Variants in TMEM135 observed in about 807,000 individuals in gnomAD.
The protein encoded by TMEM135 is transmembrane protein 135.
In TMEM135, 30 loss-of-function variants were observed where a neutral mutation model predicts 60.3. The ratio of observed to expected loss-of-function variants is 0.50; its 90% CI spans 0.37 to 0.68. The LOEUF (loss-of-function observed/expected upper bound fraction) is 0.68. Ranked by LOEUF, TMEM135 falls within the 30% of genes least tolerant of loss-of-function variation. The pLI, the probability that TMEM135 is intolerant of heterozygous loss-of-function variation, is 0.00. For missense variants in TMEM135, 468 were observed against 548.8 expected, an observed-to-expected ratio of 0.85 and a Z score of 1.47; for synonymous variants, 190 against 186.7, an observed-to-expected ratio of 1.02 and a Z score of -0.14.
At chr11:87,091,428 C>T in intron 4 of TMEM135, 33 bp downstream of exon 4, 1 of 1,603,230 alleles carries the variant, frequency 6.2e-7, no homozygotes, top group Non-Finnish European at 8.5e-7. Flanking sequence ...TGATGTCTTC[C>T]CATAAGCTAT....
At chr11:87,138,198 C>A (rs1222316359) in intron 4 of TMEM135, among the ~76,000 whole-genome samples, 2 of 150,622 alleles carry the variant, frequency 1.3e-5, no homozygotes, top group Non-Finnish European at 2.9e-5. Context: ...TCAAGTGATT[C>A]TCCTGCCTCA....
At chr11:87,144,538 G>A (rs1231839159) in intron 4 of TMEM135, among the ~76,000 whole-genome samples, 1 of 152,184 alleles carries the variant, frequency 6.6e-6, no homozygotes, top group Non-Finnish European at 1.5e-5. Context: ...TCCCTTCATG[G>A]GAAATGTTTG....
intron 3 of TMEM135, among the ~76,000 whole-genome samples, chr11:87,072,806 A>T (rs1050565096): frequency 3.3e-5 from 5 of 152,234 alleles, no homozygotes; most frequent in African/African-American, 1.2e-4. Flanking sequence ...TCAGTCAGGT[A>T]AACAGTTAAA....
chr11:87,236,386 A>G (rs542765672), intron 5 of TMEM135, among the ~76,000 whole-genome samples: 1 of 152,112 alleles, frequency 6.6e-6, no homozygotes, highest in East Asian at 1.9e-4. Context: ...AAAAAATCAC[A>G]ATGTTTAAAG....
At chr11:87,187,432 C>G (rs1939679793) in intron 5 of TMEM135, among the ~76,000 whole-genome samples, 1 of 152,172 alleles carries the variant, frequency 6.6e-6, no homozygotes, top group Non-Finnish European at 1.5e-5. Context: ...AGTTGGAACA[C>G]TAACTGCCAA....
chr11:87,080,538 A>G (rs1201558279), intron 3 of TMEM135, among the ~76,000 whole-genome samples: 1 of 151,858 alleles, frequency 6.6e-6, no homozygotes, highest in Admixed American at 6.6e-5. Flanking sequence ...TAATGCTATC[A>G]ATTTCTGTGA....
chr11:87,311,373 C>G lies in TMEM135; in HGVS notation c.936+1701C>G, dbSNP rs1186254975. Among the ~76,000 whole-genome samples, 5 of 151,974 alleles carry G rather than the reference C, an allele frequency of 3.3e-5. No homozygotes were observed. In the South Asian group the frequency reaches 6.2e-4, roughly 19 times the overall value. On this transcript the variant is annotated intron_variant, in intron 10 of 14. Coordinates refer to ENST00000305494, the MANE Select transcript of TMEM135 (RefSeq NM_022918.4). ...AATATGGTTTGACTAAGAAGCATTA[C>G]TAATGTATTTGAATATACAAGAGTT...
At chr11:87,201,750 A>G (rs1054568461) in intron 5 of TMEM135, among the ~76,000 whole-genome samples, 2 of 152,184 alleles carry the variant, frequency 1.3e-5, no homozygotes, top group Admixed American at 6.5e-5. Flanking sequence ...AATTACATCT[A>G]TAATAAGTAG....
chr11:87,072,141 C>T (rs1174509404), intron 3 of TMEM135, among the ~76,000 whole-genome samples: 2 of 152,168 alleles, frequency 1.3e-5, no homozygotes, highest in Non-Finnish European at 2.9e-5. Flanking sequence ...CTACAGTGAG[C>T]CGTGATCATG....
intron 9 of TMEM135, among the ~76,000 whole-genome samples, chr11:87,306,370 G>C (rs1942544052): frequency 6.6e-6 from 1 of 152,336 alleles, no homozygotes; most frequent in South Asian, 2.1e-4. Flanking sequence ...CTCCCAGACT[G>C]TGCTGTGTGC....
In TMEM135 at chr11:87,147,215, C is replaced by T. The variant is rs377257224; in HGVS notation, c.397-10126C>T. On this transcript the variant is annotated intron_variant, in intron 4 of 14. Coordinates refer to ENST00000305494, the MANE Select transcript of TMEM135 (RefSeq NM_022918.4). The stretch of plus-strand genomic sequence containing the variant: ...GCGTGTGCCTGTAGTCCCAGCTACT[C>T]GGGAGGCTGAGGCACAAGAATCGCT... 1.7e-4 allele frequency among the ~76,000 whole-genome samples: 26 copies of T among 151,994 alleles called. No homozygotes were observed. The South Asian group carries it at 5.0e-3, about 29-fold the overall frequency.
chr11:87,261,991 A>G lies in TMEM135; in HGVS notation c.509+25307A>G, dbSNP rs901730993. Among the ~76,000 whole-genome samples the G allele has an allele frequency of 2.0e-5, 3 of 152,098 alleles. 1 individual carries two copies. The highest frequency in any genetic ancestry group is 4.4e-5 in the Non-Finnish European group (3 of 68,016). ...TTTTAAAAATGAGATCACAAATTAT[A>G]TATTGTTCTGTAGTGTTTTTCTATT... On this transcript the variant is annotated intron_variant, in intron 6 of 14. Transcript: ENST00000305494.
intron 1 of TMEM135, among the ~76,000 whole-genome samples, chr11:87,041,041 G>A (rs1041915162): frequency 1.3e-5 from 2 of 152,138 alleles, no homozygotes; most frequent in Admixed American, 1.3e-4. Flanking sequence ...AGAAAACTAA[G>A]TGGTTTTGTA....
At chr11:87,098,568 T>C (rs1162730106) in intron 4 of TMEM135, among the ~76,000 whole-genome samples, 1 of 152,122 alleles carries the variant, frequency 6.6e-6, no homozygotes, top group Non-Finnish European at 1.5e-5. Context: ...AGAAATCATC[T>C]ACTTTAAAAT....
At chr11:87,223,600 C>T (rs192135499) in intron 5 of TMEM135, among the ~76,000 whole-genome samples, 41 of 152,088 alleles carry the variant, frequency 2.7e-4, no homozygotes, top group Middle Eastern at 3.4e-3. Context: ...CACCTGAGGT[C>T]AGGAGTTCCA....
At chr11:87,062,045 G>A (rs1438789015) in intron 1 of TMEM135, among the ~76,000 whole-genome samples, 1 of 151,892 alleles carries the variant, frequency 6.6e-6, no homozygotes, top group Non-Finnish European at 1.5e-5. Context: ...TCACTCTGTT[G>A]CCTAGGCTGG....
chr11:87,321,134 A>G, intron 14 of TMEM135, 67 bp from the exon 15 acceptor site: 1 of 1,415,188 alleles, frequency 7.1e-7, no homozygotes, highest in Admixed American at 2.0e-5. Flanking sequence ...AGATAAGTCA[A>G]CTAAAATGAA....
At chr11:87,074,292 A>G (rs934494112) in intron 3 of TMEM135, among the ~76,000 whole-genome samples, 2 of 152,162 alleles carry the variant, frequency 1.3e-5, no homozygotes, top group Non-Finnish European at 2.9e-5. Flanking sequence ...TAATTAAGTG[A>G]ATTAATATAT....
intron 6 of TMEM135, among the ~76,000 whole-genome samples, chr11:87,246,868 C>T (rs11494237): frequency 0.58 from 57,857 of 99,580 alleles, 18,687 homozygotes; most frequent in Middle Eastern, 0.67. Flanking sequence ...AGTCATTCTC[C>T]GTCCAACGTT....
Sources: gnomAD v4.1 joint callset for allele counts (sites outside exome capture counted in the v4.1 genomes callset) on GRCh38, gnomAD v4.1.1 for gene constraint, MANE v1.5 for transcripts, NCBI Gene and HGNC (gene_info 2026-07-23, HGNC 2026-07-21) for gene names.